TMEM212: variants seen among roughly 807,000 people sequenced by gnomAD.
The protein encoded by TMEM212 is transmembrane protein 212.
TMEM212 carries 23 observed loss-of-function variants against 20.5 expected under a neutral mutation model. The observed-to-expected ratio is 1.12, with a 90% confidence interval of 0.81 to 1.59. The LOEUF (loss-of-function observed/expected upper bound fraction) is 1.59. TMEM212 is among the 40% of genes most tolerant of loss of function. The probability of loss-of-function intolerance (pLI) is 0.00; values close to 1 mark genes in which losing one functional copy is unlikely to be tolerated. For missense variants in TMEM212, 211 were observed against 215.0 expected, an observed-to-expected ratio of 0.98 and a Z score of 0.12; for synonymous variants, 76 against 81.6, an observed-to-expected ratio of 0.93 and a Z score of 0.37.
intron 2 of TMEM212, 88 bp from the exon 3 acceptor site, chr3:171,853,439 A>G: frequency 9.5e-7 from 1 of 1,054,138 alleles, no homozygotes; most frequent in Non-Finnish European, 1.3e-6. Flanking sequence ...ATTCATAGCC[A>G]GCATCTCTTT....
chr3:171,853,987 A>G lies in TMEM212; in HGVS notation c.543+137A>G, dbSNP rs1406307517. 6 of 665,486 alleles carry G rather than the reference A, an allele frequency of 9.0e-6. No homozygotes were observed. The East Asian group carries it at 1.6e-4, about 18-fold the overall frequency. 41.2% of individuals were successfully genotyped at this position (665,486 alleles called of 1,614,324 possible). ...TGCTTTTGATATCCAGGTCTGGCAC[A>G]TAATAGGTACTGAATAATTGTTTTT... is the stretch of plus-strand genomic sequence containing the variant. On this transcript the variant is annotated intron_variant, in intron 3 of 4. Coordinates refer to ENST00000334567, the MANE Select transcript of TMEM212 (RefSeq NM_001164436.2).
intron 1 of TMEM212, among the ~76,000 whole-genome samples, chr3:171,844,025 C>T (rs1305366122): frequency 6.6e-6 from 1 of 152,146 alleles, no homozygotes; most frequent in Non-Finnish European, 1.5e-5. Flanking sequence ...CTCTTGCAAG[C>T]AACTGTTTGA....
Position 171,856,714 on chromosome 3 carries a change from T to C in TMEM212, c.*3+7T>C. The C allele has an allele frequency of 1.5e-6, 1 of 678,008 alleles. No individual in the cohort carries two copies. The highest frequency in any genetic ancestry group is 1.6e-5 in the South Asian group (1 of 62,550). The allele number at this position is 678,008 out of a possible 1,614,324, so 42.0% of individuals were successfully genotyped here. A position where few individuals can be genotyped will look rare whatever the true frequency, so the allele number is the denominator to read the frequency against. On this transcript the variant is annotated splice_region_variant and intron_variant, in intron 4 of 4. Transcript: ENST00000334567. ...CCCTTTTTCACCATAAAAGGTAAAATGGTCTGGGGATAGAAAAGGCCTGGG... is the reference window on the plus strand; with the variant it reads ...CCCTTTTTCACCATAAAAGGTAAAACGGTCTGGGGATAGAAAAGGCCTGGG...
chr3:171,843,618 C>G, intron 1 of TMEM212, 76 bp downstream of exon 1: 2 of 1,266,728 alleles, frequency 1.6e-6, no homozygotes, highest in Non-Finnish European at 2.1e-6. Context: ...AAGAACATAT[C>G]CTTTTAAATT....
In TMEM212 at chr3:171,854,681, T is replaced by C. The variant is rs139226087; in HGVS notation, c.543+831T>C. Among the ~76,000 whole-genome samples the C allele has an allele frequency of 4.9e-3, 746 of 152,254 alleles. 3 individuals carry two copies. The highest frequency in any genetic ancestry group is 7.4e-3 in the Non-Finnish European group (500 of 68,014). ...GCATAGATCTACAAAAGACCACACATAGCCAAAGCGAACTTGAGAAAGAAC... is the reference window on the plus strand; with the variant it reads ...GCATAGATCTACAAAAGACCACACACAGCCAAAGCGAACTTGAGAAAGAAC... On this transcript the variant is annotated intron_variant, in intron 3 of 4. Transcript: ENST00000334567.
intron 1 of TMEM212, among the ~76,000 whole-genome samples, chr3:171,846,427 C>T (rs1724834445): frequency 6.6e-6 from 1 of 152,098 alleles, no homozygotes; most frequent in Non-Finnish European, 1.5e-5. Context: ...TTTGTATATT[C>T]CCCTCTCCTC....
At chr3:171,850,227 C>G (rs1724946071) in intron 1 of TMEM212, among the ~76,000 whole-genome samples, 2 of 152,178 alleles carry the variant, frequency 1.3e-5, no homozygotes, top group African/African-American at 2.4e-5. Context: ...GTGCGCTAAC[C>G]TCTTGAGCTG....
chr3:171,853,979 T>A, intron 3 of TMEM212, 129 bp downstream of exon 3: 1 of 699,286 alleles, frequency 1.4e-6, no homozygotes, highest in Non-Finnish European at 2.3e-6. Context: ...GATATCCAGG[T>A]CTGGCACATA....
chr3:171,853,988 T>C, intron 3 of TMEM212, 138 bp downstream of exon 3: 1 of 657,046 alleles, frequency 1.5e-6, no homozygotes, highest in South Asian at 2.0e-5. Context: ...GTCTGGCACA[T>C]AATAGGTACT....
intron 1 of TMEM212, among the ~76,000 whole-genome samples, chr3:171,843,888 C>A (rs1204919430): frequency 6.6e-6 from 1 of 152,052 alleles, no homozygotes; most frequent in Non-Finnish European, 1.5e-5. Flanking sequence ...AAAACATAAA[C>A]CTTGAAAAGT....
chr3:171,857,896 A>C (rs1172890622), intron 4 of TMEM212, among the ~76,000 whole-genome samples, 165 bp from the exon 5 acceptor site: 2 of 152,154 alleles, frequency 1.3e-5, no homozygotes, highest in Non-Finnish European at 2.9e-5. Context: ...AAGAGATAAC[A>C]AGTGTTGGTG....
intron 3 of TMEM212, among the ~76,000 whole-genome samples, chr3:171,855,780 C>G (rs1034459440): frequency 6.6e-6 from 1 of 152,158 alleles, no homozygotes; most frequent in Non-Finnish European, 1.5e-5. Flanking sequence ...TCAAAACTCT[C>G]TCCAGTAATT....
intron 1 of TMEM212, among the ~76,000 whole-genome samples, chr3:171,847,921 T>C (rs1011104240): frequency 2.0e-5 from 3 of 152,182 alleles, no homozygotes; most frequent in African/African-American, 7.2e-5. Flanking sequence ...AGTACACAGA[T>C]GGGCCTAGGA....
In TMEM212 at chr3:171,853,605, C is replaced by G. The variant is rs1725040087; in HGVS notation, c.298C>G (p.Leu100Val). The change falls in exon 3 of 5, where the codon CTC becomes GTC. Residue 100 changes from leucine to valine, a missense_variant. Leu to Val is a conservative substitution (Grantham distance 32). Coordinates refer to ENST00000334567, the MANE Select transcript of TMEM212 (RefSeq NM_001164436.2). Reference protein sequence around the residue: ...LHFAIALESALLGPYCFYSFS... With the variant: ...LHFAIALESAVLGPYCFYSFS... ...TTTTGCAATAGCCTTGGAATCTGCTCTCCTGGGCCCATATTGCTTCTATTC... is the reference window on the plus strand; with the variant it reads ...TTTTGCAATAGCCTTGGAATCTGCTGTCCTGGGCCCATATTGCTTCTATTC... 1 of 1,537,244 alleles carries G rather than the reference C, an allele frequency of 6.5e-7. No individual in the cohort carries two copies. Among genetic ancestry groups the G allele is most frequent in the Non-Finnish European group, 8.7e-7 (1 of 1,146,852 alleles).
At chr3:171,848,518 A>G (rs1724888279) in intron 1 of TMEM212, among the ~76,000 whole-genome samples, 2 of 146,148 alleles carry the variant, frequency 1.4e-5, no homozygotes, top group African/African-American at 5.1e-5. Context: ...AGTGAATTAT[A>G]AAATCAATCT....
chr3:171,858,524 T>C lies in TMEM212; in HGVS notation c.*467T>C, dbSNP rs373552209. ...GACATAGGCATGGGCAAAGACTTCA[T>C]GACTAAAACACCAAAAGCAATGGCA... On this transcript the variant is annotated 3_prime_UTR_variant, in exon 5 of 5. Coordinates refer to ENST00000334567, the MANE Select transcript of TMEM212 (RefSeq NM_001164436.2). 1 of 152,204 alleles carries C rather than the reference T, an allele frequency of 6.6e-6. No individual in the cohort carries two copies. The highest frequency in any genetic ancestry group is 2.1e-4 in the South Asian group (1 of 4,824). 9.4% of individuals were successfully genotyped at this position (152,204 alleles called of 1,614,324 possible).
At chr3:171,848,432 C>T (rs1253729347) in intron 1 of TMEM212, among the ~76,000 whole-genome samples, 1 of 152,182 alleles carries the variant, frequency 6.6e-6, no homozygotes, top group African/African-American at 2.4e-5. Context: ...CTCTATACCC[C>T]CTTACCACTT....
At chr3:171,856,090 G>C (rs949394706) in intron 3 of TMEM212, among the ~76,000 whole-genome samples, 4 of 152,112 alleles carry the variant, frequency 2.6e-5, no homozygotes, top group African/African-American at 9.7e-5. Flanking sequence ...GTCAATATGG[G>C]GGAAGGCTAA....
At chr3:171,846,995 T>C (rs150882254) in intron 1 of TMEM212, among the ~76,000 whole-genome samples, 127 of 152,354 alleles carry the variant, frequency 8.3e-4, no homozygotes, top group Non-Finnish European at 1.5e-3. Context: ...TTGTATATGA[T>C]ACAGTACTTT....
Sources: gnomAD v4.1 joint callset for allele counts (sites outside exome capture counted in the v4.1 genomes callset) on GRCh38, gnomAD v4.1.1 for gene constraint, MANE v1.5 for transcripts, NCBI Gene and HGNC (gene_info 2026-07-23, HGNC 2026-07-21) for gene names.